HSPA14: variants seen among roughly 807,000 people sequenced by gnomAD.
HSPA14 encodes heat shock protein family A (Hsp70) member 14.
A neutral mutation model predicts 65.5 loss-of-function variants in HSPA14; 37 were observed. The observed-to-expected ratio is 0.56, with a 90% CI of 0.43 to 0.74. The LOEUF (loss-of-function observed/expected upper bound fraction) is 0.74. HSPA14 is among the 30% of genes least tolerant of loss of function. HSPA14 has a pLI of 0.00. For missense variants in HSPA14, 564 were observed against 607.6 expected (o/e 0.93, Z 0.75); for synonymous variants, 203 against 214.2 (o/e 0.95, Z 0.46).
chr10:14,846,409 G>A, intron 3 of HSPA14: 1 of 985,398 alleles, frequency 1.0e-6, no homozygotes, highest in Non-Finnish European at 1.2e-6. Flanking sequence ...GAAATTCAAT[G>A]GGTAAAGTAA....
At chr10:14,847,924 C>A (rs1335769040) in intron 3 of HSPA14, among the ~76,000 whole-genome samples, 2 of 152,104 alleles carry the variant, frequency 1.3e-5, no homozygotes, top group African/African-American at 4.8e-5. Context: ...TAGAGAAGAC[C>A]TAGGCTCACG....
chr10:14,868,036 T>C, intron 12 of HSPA14, 127 bp downstream of exon 12: 2 of 717,756 alleles, frequency 2.8e-6, no homozygotes, highest in Non-Finnish European at 4.3e-6. Flanking sequence ...TGAAGGATTT[T>C]ATGAAGGCTC....
chr10:14,843,359 T>C, intron 3 of HSPA14: 1 of 1,550,690 alleles, frequency 6.4e-7, no homozygotes, highest in South Asian at 1.2e-5. Flanking sequence ...ACATTGTTGC[T>C]TTGTTTTTCA....
rs937705674 is a variant in HSPA14, at chr10:14,845,991, T to A, written c.222-2618T>A. On this transcript the variant is annotated intron_variant, in intron 3 of 13. Transcript: ENST00000378372. ...AGACAAAATGAAAACGAAATTTTAA[T>A]TGTAATATTTTCTGTCACAGCAGCA... The A allele has an allele frequency of 3.2e-6, 3 of 933,460 alleles. No homozygotes were observed. In the African/African-American group the frequency reaches 5.3e-5, roughly 17 times the overall value. 57.8% of individuals were successfully genotyped at this position (933,460 alleles called of 1,614,324 possible).
chr10:14,849,003 C>A (rs2131640239), intron 5 of HSPA14, 108 bp downstream of exon 5: 1 of 619,394 alleles, frequency 1.6e-6, no homozygotes, highest in Non-Finnish European at 2.9e-6. Context: ...AGAGTGATTG[C>A]ACAGATAAGT....
Position 14,839,929 on chromosome 10 carries a change from A to G in HSPA14, c.82A>G (p.Asn28Asp). Reference protein sequence around the residue: ...YKDGRAGVVANDAGDRVTPAV... With the variant: ...YKDGRAGVVADDAGDRVTPAV... ...GGATGGCCGGGCTGGTGTGGTTGCA[A>G]ATGATGCCGGTGACCGAGTTACTCC... Residue 28 changes from asparagine to aspartate, a missense_variant, in exon 2 of 14, where the codon AAT (asparagine) becomes GAT (aspartate). Coordinates refer to ENST00000378372, the MANE Select transcript of HSPA14 (RefSeq NM_016299.4). 1 of 1,613,144 alleles carries G rather than the reference A, an allele frequency of 6.2e-7. No individual in the cohort carries two copies. Among genetic ancestry groups the G allele is most frequent in the Non-Finnish European group, 8.5e-7 (1 of 1,179,468 alleles).
At chr10:14,840,800 T>C (rs544433923) in intron 3 of HSPA14, among the ~76,000 whole-genome samples, 79 of 152,352 alleles carry the variant, frequency 5.2e-4, no homozygotes, top group Middle Eastern at 6.8e-3. Flanking sequence ...ATAGAGTGTT[T>C]TTAAATTTTC....
chr10:14,844,492 A>G lies in HSPA14; in HGVS notation c.222-4117A>G, dbSNP rs1337609822. On this transcript the variant is annotated intron_variant, in intron 3 of 13. Coordinates refer to ENST00000378372, the MANE Select transcript of HSPA14 (RefSeq NM_016299.4). Reference sequence around the variant, plus strand: ...TCCCTGTGTGGCTCATTAGACGACTATAAGCACAACCTGTATTTGTACCTT... The same window carrying G: ...TCCCTGTGTGGCTCATTAGACGACTGTAAGCACAACCTGTATTTGTACCTT... 7.9e-6 allele frequency: 6 copies of G among 754,958 alleles called. No homozygotes were observed. In the East Asian group the frequency reaches 1.3e-3, roughly 159 times the overall value. The allele number at this position is 754,958 out of a possible 1,614,324, so 46.8% of individuals were successfully genotyped here. A position where few individuals can be genotyped will look rare whatever the true frequency, so the allele number is the denominator to read the frequency against.
chr10:14,868,524 C>T (rs144024412), intron 12 of HSPA14, among the ~76,000 whole-genome samples: 1 of 152,234 alleles, frequency 6.6e-6, no homozygotes, highest in African/African-American at 2.4e-5. Context: ...CACACACACA[C>T]ACGGACTGCA....
chr10:14,850,003 G>A (rs542248579), intron 6 of HSPA14, among the ~76,000 whole-genome samples, 192 bp downstream of exon 6: 2 of 152,086 alleles, frequency 1.3e-5, no homozygotes, highest in African/African-American at 2.4e-5. Context: ...GGTGGTTCAC[G>A]CCTGTAATCC....
intron 10 of HSPA14, among the ~76,000 whole-genome samples, chr10:14,860,377 G>A (rs1437279415): frequency 4.6e-5 from 7 of 152,262 alleles, no homozygotes; most frequent in African/African-American, 1.7e-4. Context: ...AATATAGTGA[G>A]GATATACAGG....
chr10:14,871,549 A>G lies in HSPA14; in HGVS notation c.1473A>G (p.Thr491=). 4 of 1,593,524 alleles carry G rather than the reference A, an allele frequency of 2.5e-6. No individual in the cohort carries two copies. Among genetic ancestry groups the G allele is most frequent in the South Asian group, 1.1e-5 (1 of 89,092 alleles). The part of the protein sequence containing the change: ...TMKRDGSLHV[T]CTDQETGKCE... Reference sequence around the variant, plus strand: ...TTAGGGATGGATCTTTACATGTGACATGCACAGATCAAGAAACTGGAAAAT... The same window carrying G: ...TTAGGGATGGATCTTTACATGTGACGTGCACAGATCAAGAAACTGGAAAAT... Residue 491 remains threonine, a synonymous_variant, in exon 14 of 14, where the codon ACA becomes ACG. Coordinates refer to ENST00000378372, the MANE Select transcript of HSPA14 (RefSeq NM_016299.4).
intron 1 of HSPA14, 197 bp downstream of exon 1, chr10:14,838,656 T>C: frequency 1.8e-6 from 1 of 545,638 alleles, no homozygotes; most frequent in Non-Finnish European, 3.2e-6. Flanking sequence ...AGTCGTCTAC[T>C]CCGCGGCGGA....
intron 10 of HSPA14, among the ~76,000 whole-genome samples, chr10:14,864,793 A>G (rs1832790768): frequency 6.6e-6 from 1 of 152,176 alleles, no homozygotes; most frequent in Non-Finnish European, 1.5e-5. Flanking sequence ...ATATGTGTGC[A>G]TGTGTCTTTA....
At chr10:14,853,084 T>TA (rs538080301) in intron 8 of HSPA14, among the ~76,000 whole-genome samples, 256 of 141,646 alleles carry the variant, frequency 1.8e-3, no homozygotes, top group Middle Eastern at 3.7e-3. Context: ...ACTGCTGCTC[T>TA]AAAAAAAAAA....
intron 3 of HSPA14, among the ~76,000 whole-genome samples, chr10:14,840,528 G>A (rs899436212): frequency 4.6e-5 from 7 of 152,060 alleles, no homozygotes; most frequent in East Asian, 1.9e-4. Context: ...ACAATTTTTC[G>A]TAATTTATGT....
intron 10 of HSPA14, among the ~76,000 whole-genome samples, chr10:14,861,446 C>G (rs2131645224): frequency 6.6e-6 from 1 of 152,258 alleles, no homozygotes; most frequent in South Asian, 2.1e-4. Flanking sequence ...CCGCCTCAGC[C>G]TCCTGAGTAG....
intron 3 of HSPA14, chr10:14,843,514 G>C (rs1834002115): frequency 3.2e-6 from 5 of 1,550,564 alleles, no homozygotes; most frequent in Non-Finnish European, 4.4e-6. Context: ...CAGCACTCCT[G>C]GGGTAGCCTC....
At chr10:14,861,959 C>T (rs556998509) in intron 10 of HSPA14, among the ~76,000 whole-genome samples, 1 of 150,656 alleles carries the variant, frequency 6.6e-6, no homozygotes, top group South Asian at 2.1e-4. Context: ...TTGCAGTGAG[C>T]CGAGATCACG....
Sources: gnomAD v4.1 joint callset for allele counts (sites outside exome capture counted in the v4.1 genomes callset) on GRCh38, gnomAD v4.1.1 for gene constraint, MANE v1.5 for transcripts, NCBI Gene and HGNC (gene_info 2026-07-23, HGNC 2026-07-21) for gene names.